ASF1B: variants seen among roughly 807,000 people sequenced by gnomAD.
ASF1B encodes anti-silencing function 1B histone chaperone.
Under a neutral mutation model 16.6 loss-of-function variants are expected in ASF1B, and 10 were observed. The ratio of observed to expected loss-of-function variants is 0.60; its 90% CI spans 0.37 to 1.02. The LOEUF is 1.02. ASF1B is among the 50% of genes least tolerant of loss of function. The pLI, the probability that ASF1B is intolerant of heterozygous loss-of-function variation, is 0.01. For synonymous variants in ASF1B, 101 were observed against 106.2 expected (o/e 0.95, Z 0.30); for missense variants, 240 against 266.0 (o/e 0.90, Z 0.68).
chr19:14,136,310 G>C (rs758345382), intron 1 of ASF1B, 38 bp downstream of exon 1: 38 of 1,581,936 alleles, frequency 2.4e-5, no homozygotes, highest in Non-Finnish European at 2.7e-5. Flanking sequence ...GCCGGGGTCG[G>C]CCCGGGGGTG....
At chr19:14,133,961 G>A (rs928065684) in intron 1 of ASF1B, among the ~76,000 whole-genome samples, 1 of 151,680 alleles carries the variant, frequency 6.6e-6, no homozygotes, top group African/African-American at 2.4e-5. Context: ...CCGCCACCAC[G>A]CCCGGCTAAT....
At chr19:14,124,855 C>T (rs1967294887) in intron 2 of ASF1B, among the ~76,000 whole-genome samples, 1 of 152,194 alleles carries the variant, frequency 6.6e-6, no homozygotes, top group Admixed American at 6.5e-5. Context: ...GTGTAGGATA[C>T]AAGAAAGGCT....
intron 1 of ASF1B, among the ~76,000 whole-genome samples, chr19:14,131,720 G>T (rs1340865022): frequency 6.6e-6 from 1 of 151,802 alleles, no homozygotes; most frequent in African/African-American, 2.4e-5. Flanking sequence ...CTGACCTCAG[G>T]TAATCTGCCC....
chr19:14,132,397 A>G (rs577630835), intron 1 of ASF1B, among the ~76,000 whole-genome samples: 7 of 152,052 alleles, frequency 4.6e-5, no homozygotes, highest in African/African-American at 1.4e-4. Context: ...TTTTTCATGG[A>G]GAGGAGTCCA....
chr19:14,126,108 C>T lies in ASF1B; in HGVS notation c.225+14G>A, dbSNP rs760118996. On this transcript the variant is annotated intron_variant, in intron 2 of 3. Transcript: ENST00000263382. ...GGAATCAAGGGCTAAGGCCTAAGGC[C>T]TCATCTTTCTTACCTGAAAGACAAA... 2 of 1,574,418 alleles carry T rather than the reference C, an allele frequency of 1.3e-6. No homozygotes were observed. The highest frequency in any genetic ancestry group is 3.7e-5 in the Admixed American group (2 of 53,758).
At chr19:14,124,267 C>T (rs1967285622) in intron 2 of ASF1B, among the ~76,000 whole-genome samples, 1 of 152,178 alleles carries the variant, frequency 6.6e-6, no homozygotes, top group African/African-American at 2.4e-5. Context: ...AAGCCTCCTG[C>T]TTCAGCCTCC....
rs1967313549 is a variant in ASF1B, at chr19:14,126,111, A to G, written c.225+11T>C. 6.3e-7 allele frequency: 1 copy of G among 1,581,650 alleles called. No homozygotes were observed. The highest frequency in any genetic ancestry group is 1.2e-5 in the South Asian group (1 of 86,932). On this transcript the variant is annotated intron_variant, in intron 2 of 3. Transcript: ENST00000263382. ...ATCAAGGGCTAAGGCCTAAGGCCTC[A>G]TCTTTCTTACCTGAAAGACAAACAT...
intron 2 of ASF1B, among the ~76,000 whole-genome samples, chr19:14,123,955 T>C (rs1409283063): frequency 6.6e-6 from 1 of 151,962 alleles, no homozygotes; most frequent in African/African-American, 2.4e-5. Context: ...CACATCCAGC[T>C]AATTTTTGTA....
Position 14,136,531 on chromosome 19 carries a change from T to G in ASF1B, c.-75A>C. 1.5e-6 allele frequency: 2 copies of G among 1,314,632 alleles called. No individual in the cohort carries two copies. Among genetic ancestry groups the G allele is most frequent in the Non-Finnish European group, 2.1e-6 (2 of 934,048 alleles). 81.4% of individuals were successfully genotyped at this position (1,314,632 alleles called of 1,614,324 possible). On this transcript the variant is annotated 5_prime_UTR_variant, in exon 1 of 4. Coordinates refer to ENST00000263382, the MANE Select transcript of ASF1B (RefSeq NM_018154.3). Reference sequence around the variant, plus strand: ...GAGGCCGCGCCTGGGTCCGGTGGGGTCAGTGGGGTAGGGCTGACCAGGTCC... The same window carrying G: ...GAGGCCGCGCCTGGGTCCGGTGGGGGCAGTGGGGTAGGGCTGACCAGGTCC...
chr19:14,131,120 C>T (rs1015797766), intron 1 of ASF1B, among the ~76,000 whole-genome samples: 1 of 151,892 alleles, frequency 6.6e-6, no homozygotes, highest in South Asian at 2.1e-4. Context: ...TCAGATGATC[C>T]ACCTGCCTTG....
intron 2 of ASF1B, 105 bp from the exon 3 acceptor site, chr19:14,121,813 T>C: frequency 9.4e-7 from 1 of 1,060,608 alleles, no homozygotes; most frequent in Non-Finnish European, 1.3e-6. Flanking sequence ...AAAAGTATGC[T>C]CTCTGCCCTC....
chr19:14,135,870 A>G (rs975579228), intron 1 of ASF1B, among the ~76,000 whole-genome samples: 1 of 151,946 alleles, frequency 6.6e-6, no homozygotes, highest in African/African-American at 2.4e-5. Context: ...TGGGTGGTTG[A>G]AGCGGGGGTC....
At chr19:14,131,485 CT>C (rs759033830) in intron 1 of ASF1B, among the ~76,000 whole-genome samples, 2,001 of 126,270 alleles carry the variant, frequency 0.016, 33 homozygotes, top group African/African-American at 0.049. Context: ...CTGGCTTTTT[CT>C]TTTTTTTTTT....
chr19:14,122,828 C>A (rs78217624), intron 2 of ASF1B, among the ~76,000 whole-genome samples: 5,492 of 152,126 alleles, frequency 0.036, 324 homozygotes, highest in African/African-American at 0.12. Flanking sequence ...CGGGGGCCAG[C>A]TAAGGGATTG....
intron 3 of ASF1B, 72 bp from the exon 4 acceptor site, chr19:14,120,737 C>T: frequency 6.9e-7 from 1 of 1,445,114 alleles, no homozygotes; most frequent in Non-Finnish European, 9.6e-7. Context: ...CAGGACACCC[C>T]CAATCACCCA....
At chr19:14,135,445 T>TC (rs1485899342) in intron 1 of ASF1B, among the ~76,000 whole-genome samples, 4 of 152,028 alleles carry the variant, frequency 2.6e-5, no homozygotes, top group African/African-American at 9.7e-5. Flanking sequence ...GGTAGCATCC[T>TC]TTCCCAGGGA....
At chr19:14,122,359 G>A (rs539843948) in intron 2 of ASF1B, among the ~76,000 whole-genome samples, 2 of 146,072 alleles carry the variant, frequency 1.4e-5, no homozygotes, top group South Asian at 2.1e-4. Flanking sequence ...GAGCCATTGC[G>A]CCTGGACTTT....
chr19:14,124,198 G>A (rs1399333348), intron 2 of ASF1B, among the ~76,000 whole-genome samples: 1 of 152,070 alleles, frequency 6.6e-6, no homozygotes, highest in Non-Finnish European at 1.5e-5. Flanking sequence ...CTGTCACCCA[G>A]AATGCAGTGC....
At chr19:14,123,729 A>G (rs1378377267) in intron 2 of ASF1B, among the ~76,000 whole-genome samples, 5 of 151,210 alleles carry the variant, frequency 3.3e-5, no homozygotes, top group African/African-American at 7.3e-5. Context: ...ACTGGAGTGC[A>G]GTGGTGCAAT....
Sources: gnomAD v4.1 joint callset for allele counts (sites outside exome capture counted in the v4.1 genomes callset) on GRCh38, gnomAD v4.1.1 for gene constraint, MANE v1.5 for transcripts, NCBI Gene and HGNC (gene_info 2026-07-23, HGNC 2026-07-21) for gene names.